GSTCD: variants seen among roughly 807,000 people sequenced by gnomAD.
The protein encoded by GSTCD is glutathione S-transferase C-terminal domain-containing protein.
In GSTCD, 44 loss-of-function variants were observed where a neutral mutation model predicts 68.3. The observed-to-expected ratio is 0.64, with a 90% confidence interval of 0.51 to 0.83. GSTCD has a LOEUF of 0.83. Among genes scored for constraint, GSTCD ranks in the 40% least tolerant of loss-of-function variants. GSTCD has a pLI of 0.00. For missense variants in GSTCD, 739 were observed against 735.9 expected (o/e 1.00, Z -0.05); for synonymous variants, 273 against 255.2 (o/e 1.07, Z -0.67).
At chr4:105,751,713 A>G (rs975240827) in intron 5 of GSTCD, among the ~76,000 whole-genome samples, 6 of 148,048 alleles carry the variant, frequency 4.1e-5, no homozygotes, top group Non-Finnish European at 8.8e-5. Flanking sequence ...TTATGGTGTT[A>G]TAGATGTTAT....
chr4:105,730,117 C>T (rs1733180127), intron 5 of GSTCD, among the ~76,000 whole-genome samples: 1 of 152,130 alleles, frequency 6.6e-6, no homozygotes, highest in Admixed American at 6.5e-5. Context: ...GTATATGTGC[C>T]ACATATTCTT....
chr4:105,760,082 C>CA (rs1029595062), intron 5 of GSTCD, among the ~76,000 whole-genome samples: 2 of 146,154 alleles, frequency 1.4e-5, no homozygotes, highest in African/African-American at 5.1e-5. Flanking sequence ...AAGACCAGTC[C>CA]AAAAAACTGT....
chr4:105,717,258 T>C (rs1315129315), intron 1 of GSTCD, among the ~76,000 whole-genome samples: 1 of 152,198 alleles, frequency 6.6e-6, no homozygotes, highest in African/African-American at 2.4e-5. Flanking sequence ...TCAGTATTTT[T>C]GGTTAATTTA....
chr4:105,735,726 A>G lies in GSTCD; in HGVS notation c.1240+6227A>G, dbSNP rs572219517. ...AGCCCCAGTGAGATGAACCCGGTAC[A>G]TCAGTTGGAAATGCAGAAATCACTC... On this transcript the variant is annotated intron_variant, in intron 5 of 11. Coordinates refer to ENST00000515279, the MANE Select transcript of GSTCD (RefSeq NM_001370181.1). Among the ~76,000 whole-genome samples the G allele has an allele frequency of 2.0e-5, 3 of 152,166 alleles. No homozygotes were observed. The South Asian group carries it at 6.2e-4, about 32-fold the overall frequency.
chr4:105,809,506 G>A (rs2553463), intron 5 of GSTCD, among the ~76,000 whole-genome samples: 124,543 of 152,042 alleles, frequency 0.82, 51,333 homozygotes, highest in East Asian at 0.96. Flanking sequence ...TCTGTAATAC[G>A]TTTACTCTTC....
chr4:105,846,374 A>G lies in GSTCD; in HGVS notation c.*797A>G, dbSNP rs533680319. 38 of 150,248 alleles carry G rather than the reference A, an allele frequency of 2.5e-4. No homozygotes were observed. The highest frequency in any genetic ancestry group is 9.3e-4 in the African/African-American group (37 of 39,588). 9.3% of individuals were successfully genotyped at this position (150,248 alleles called of 1,614,324 possible). ...AATAAATCAATGAATGAATTAATAA[A>G]CAAATAAATAAATAAATAAATTTCC... On this transcript the variant is annotated 3_prime_UTR_variant, in exon 12 of 12. Coordinates refer to ENST00000515279, the MANE Select transcript of GSTCD (RefSeq NM_001370181.1).
intron 5 of GSTCD, among the ~76,000 whole-genome samples, chr4:105,810,349 T>C (rs1003764464): frequency 6.6e-6 from 1 of 152,252 alleles, no homozygotes; most frequent in African/African-American, 2.4e-5. Context: ...GTTCTTGGTT[T>C]GTTTGAACGA....
intron 11 of GSTCD, chr4:105,843,663 A>G (rs140910213): frequency 2.0e-5 from 3 of 152,258 alleles, no homozygotes; most frequent in African/African-American, 7.2e-5. Flanking sequence ...CTACCATGAT[A>G]ATGGTATTAA....
At chr4:105,781,570 T>C (rs547451874) in intron 5 of GSTCD, among the ~76,000 whole-genome samples, 1 of 152,188 alleles carries the variant, frequency 6.6e-6, no homozygotes, top group Non-Finnish European at 1.5e-5. Flanking sequence ...TTTCCTTTCT[T>C]TAGAAACAAA....
intron 5 of GSTCD, among the ~76,000 whole-genome samples, chr4:105,758,100 T>C (rs1734259925): frequency 6.6e-6 from 1 of 152,180 alleles, no homozygotes; most frequent in Non-Finnish European, 1.5e-5. Context: ...ATAATACAAG[T>C]ACCCCTAATA....
At chr4:105,793,270 G>A (rs2149256938) in intron 5 of GSTCD, among the ~76,000 whole-genome samples, 1 of 152,030 alleles carries the variant, frequency 6.6e-6, no homozygotes, top group Non-Finnish European at 1.5e-5. Context: ...CCAGACTTCA[G>A]CAATTTTGTC....
At chr4:105,803,247 T>C (rs1736175754) in intron 5 of GSTCD, among the ~76,000 whole-genome samples, 1 of 152,114 alleles carries the variant, frequency 6.6e-6, no homozygotes. Context: ...TTTTCCTTCT[T>C]GTTGGTACTA....
chr4:105,722,416 A>C (rs1219061306), intron 3 of GSTCD, among the ~76,000 whole-genome samples: 1 of 151,972 alleles, frequency 6.6e-6, no homozygotes, highest in Non-Finnish European at 1.5e-5. Context: ...TTAACTCACT[A>C]GTTCTAATTT....
intron 5 of GSTCD, among the ~76,000 whole-genome samples, chr4:105,797,495 T>C (rs536126404): frequency 6.6e-6 from 1 of 152,062 alleles, no homozygotes; most frequent in Admixed American, 6.6e-5. Flanking sequence ...CATAATTTTG[T>C]TTAAAAGTAC....
At chr4:105,788,542 A>T (rs541859379) in intron 5 of GSTCD, among the ~76,000 whole-genome samples, 1 of 152,020 alleles carries the variant, frequency 6.6e-6, no homozygotes, top group South Asian at 2.1e-4. Flanking sequence ...GCCTGCTTTG[A>T]GGCAGTTTGA....
At chr4:105,808,997 A>G (rs1163832817) in intron 5 of GSTCD, among the ~76,000 whole-genome samples, 1 of 152,134 alleles carries the variant, frequency 6.6e-6, no homozygotes, top group East Asian at 1.9e-4. Context: ...TGATGCTGAC[A>G]GTTTGGATAT....
chr4:105,756,674 G>C (rs941881349), intron 5 of GSTCD, among the ~76,000 whole-genome samples: 3 of 151,766 alleles, frequency 2.0e-5, no homozygotes, highest in Non-Finnish European at 2.9e-5. Context: ...GAAGCCAGTT[G>C]AGTAGCCAAC....
At chr4:105,777,889 A>G (rs1039713575) in intron 5 of GSTCD, among the ~76,000 whole-genome samples, 5 of 152,108 alleles carry the variant, frequency 3.3e-5, no homozygotes, top group African/African-American at 1.2e-4. Flanking sequence ...ATATATTAAC[A>G]ATCCCTTCTA....
At chr4:105,812,102 T>C (rs1722776540) in intron 5 of GSTCD, among the ~76,000 whole-genome samples, 1 of 152,158 alleles carries the variant, frequency 6.6e-6, no homozygotes, top group Non-Finnish European at 1.5e-5. Flanking sequence ...TTTCAAACCA[T>C]AAGAGGACAA....
Sources: gnomAD v4.1 joint callset for allele counts (sites outside exome capture counted in the v4.1 genomes callset) on GRCh38, gnomAD v4.1.1 for gene constraint, MANE v1.5 for transcripts, NCBI Gene and HGNC (gene_info 2026-07-23, HGNC 2026-07-21) for gene names.